ADCY2: variants seen among roughly 807,000 people sequenced by gnomAD.
ADCY2 encodes adenylate cyclase 2, also known as adenylate cyclase type 2.
Under a neutral mutation model 125.2 loss-of-function variants are expected in ADCY2, and 31 were observed. The observed-to-expected ratio is 0.25, with a 90% confidence interval of 0.19 to 0.33. The LOEUF (loss-of-function observed/expected upper bound fraction) is 0.33. Among genes scored for constraint, ADCY2 ranks in the 10% least tolerant of loss-of-function variants. The probability of loss-of-function intolerance (pLI) is 1.00; values close to 1 mark genes in which losing one functional copy is unlikely to be tolerated. For missense variants in ADCY2, 904 were observed against 1,418.2 expected (o/e 0.64, Z 5.82); for synonymous variants, 512 against 548.4 (o/e 0.93, Z 0.93).
intron 2 of ADCY2, among the ~76,000 whole-genome samples, chr5:7,455,664 T>C (rs1202003628): frequency 3.4e-5 from 5 of 147,794 alleles, no homozygotes; most frequent in African/African-American, 9.8e-5. Flanking sequence ...ATAACAAATA[T>C]ATAATTATAA....
chr5:7,812,470 A>G (rs1579466363), intron 22 of ADCY2, among the ~76,000 whole-genome samples: 1 of 152,216 alleles, frequency 6.6e-6, no homozygotes, highest in Non-Finnish European at 1.5e-5. Context: ...CAATACTAGT[A>G]TCTTCCTCCT....
At position 7,804,629 on chromosome 5, in the gene ADCY2, C is replaced by T. The variant is rs1744701722; in HGVS notation, c.2820C>T (p.Thr940=). 1.2e-6 allele frequency: 2 copies of T among 1,613,994 alleles called. No individual in the cohort carries two copies. ...PKFSGVEKIK[T]IGSTYMAATG... ...TCAGTGGAGTTGAAAAGATTAAGAC[C>T]ATTGGCAGCACATACATGGCAGCAA... Residue 940 remains threonine, a synonymous_variant, in exon 22 of 25, where the codon ACC becomes ACT. Transcript: ENST00000338316.
At chr5:7,507,377 C>G (rs1167269780) in intron 2 of ADCY2, among the ~76,000 whole-genome samples, 6 of 125,312 alleles carry the variant, frequency 4.8e-5, no homozygotes, top group Admixed American at 8.1e-5. Context: ...GGAGGCGGAG[C>G]TTGCAGTGAG....
At chr5:7,757,814 C>A (rs1288846095) in intron 16 of ADCY2, among the ~76,000 whole-genome samples, 3 of 152,218 alleles carry the variant, frequency 2.0e-5, no homozygotes, top group Non-Finnish European at 4.4e-5. Context: ...GGCTCCTTTG[C>A]AACACCAGTT....
At chr5:7,505,432 T>C (rs1743772813) in intron 2 of ADCY2, among the ~76,000 whole-genome samples, 1 of 152,208 alleles carries the variant, frequency 6.6e-6, no homozygotes, top group African/African-American at 2.4e-5. Flanking sequence ...TTAATTATTG[T>C]CAGGCAGTGG....
At chr5:7,654,863 C>T (rs150948166) in intron 4 of ADCY2, among the ~76,000 whole-genome samples, 1 of 152,234 alleles carries the variant, frequency 6.6e-6, no homozygotes, top group African/African-American at 2.4e-5. Context: ...AAAAGGAGGC[C>T]GAGATCTTGG....
chr5:7,450,179 G>A (rs1443310590), intron 2 of ADCY2, among the ~76,000 whole-genome samples: 1 of 152,202 alleles, frequency 6.6e-6, no homozygotes, highest in African/African-American at 2.4e-5. Context: ...AGTGAGGAAG[G>A]TATGTCTTAA....
intron 3 of ADCY2, among the ~76,000 whole-genome samples, chr5:7,597,552 A>T (rs1221698307): frequency 6.6e-6 from 1 of 152,238 alleles, no homozygotes; most frequent in African/African-American, 2.4e-5. Context: ...AGGTGGGTGG[A>T]TCACTTAAGC....
chr5:7,792,198 C>G (rs1744268866), intron 20 of ADCY2, among the ~76,000 whole-genome samples: 2 of 138,520 alleles, frequency 1.4e-5, no homozygotes, highest in Admixed American at 1.6e-4. Context: ...ATGGAGAAAC[C>G]CCGTCTCTAC....
intron 2 of ADCY2, among the ~76,000 whole-genome samples, chr5:7,455,561 A>ATGAATATAATAAAACATG (rs1741636922): frequency 6.7e-6 from 1 of 150,350 alleles, no homozygotes; most frequent in Non-Finnish European, 1.5e-5. Flanking sequence ...ACATGTAGGA[A>ATGAATATAATAAAACATG]TATAATGAAT....
intron 17 of ADCY2, among the ~76,000 whole-genome samples, chr5:7,771,266 C>T (rs905579686): frequency 2.0e-5 from 3 of 152,204 alleles, no homozygotes; most frequent in Non-Finnish European, 1.5e-5. Context: ...TGTTTTACTA[C>T]ATTAACCCAC....
chr5:7,688,277 T>TTC (rs1342006150), intron 4 of ADCY2, among the ~76,000 whole-genome samples: 1 of 151,120 alleles, frequency 6.6e-6, no homozygotes, highest in African/African-American at 2.4e-5. Context: ...TTTTGTTGTT[T>TTC]TTTTTTTTGA....
chr5:7,444,171 T>C (rs1741135171), intron 2 of ADCY2, among the ~76,000 whole-genome samples: 1 of 147,726 alleles, frequency 6.8e-6, no homozygotes, highest in Non-Finnish European at 1.5e-5. Context: ...TGGAGTGCAG[T>C]GGCGGGATCT....
intron 2 of ADCY2, among the ~76,000 whole-genome samples, chr5:7,469,497 G>C (rs914949574): frequency 6.6e-6 from 1 of 151,772 alleles, no homozygotes; most frequent in Non-Finnish European, 1.5e-5. Context: ...TATATAGAGG[G>C]AGAGAGAGTA....
At chr5:7,816,148 G>A (rs1172195695) in intron 22 of ADCY2, among the ~76,000 whole-genome samples, 2 of 152,162 alleles carry the variant, frequency 1.3e-5, no homozygotes, top group Non-Finnish European at 2.9e-5. Flanking sequence ...TGAGAGACTG[G>A]GGTTAGGACT....
chr5:7,591,080 C>T (rs2059857), intron 3 of ADCY2, among the ~76,000 whole-genome samples: 5,253 of 152,164 alleles, frequency 0.035, 279 homozygotes, highest in African/African-American at 0.12. Context: ...TGAAATTGCT[C>T]ACGTGATTAC....
intron 2 of ADCY2, among the ~76,000 whole-genome samples, chr5:7,460,010 T>C (rs1741860209): frequency 1.3e-5 from 2 of 151,680 alleles, no homozygotes; most frequent in African/African-American, 4.8e-5. Context: ...ATGGTCTGAA[T>C]CTCCTGACCT....
intron 4 of ADCY2, among the ~76,000 whole-genome samples, chr5:7,674,701 G>A (rs1356437325): frequency 1.3e-5 from 2 of 152,140 alleles, no homozygotes. Context: ...TGCTTGGAGG[G>A]GTGGGGAGGG....
At chr5:7,443,990 A>G (rs769258415) in intron 2 of ADCY2, among the ~76,000 whole-genome samples, 7 of 152,034 alleles carry the variant, frequency 4.6e-5, no homozygotes, top group Non-Finnish European at 1.0e-4. Flanking sequence ...TTGTAACTAT[A>G]TGGCTATCTA....
Sources: gnomAD v4.1 joint callset for allele counts (sites outside exome capture counted in the v4.1 genomes callset) on GRCh38, gnomAD v4.1.1 for gene constraint, MANE v1.5 for transcripts, NCBI Gene and HGNC (gene_info 2026-07-23, HGNC 2026-07-21) for gene names.